The following CACNA1B variants were observed in gnomAD, a reference collection of about 807,000 sequenced individuals.
CACNA1B encodes calcium voltage-gated channel subunit alpha1 B, also known as voltage-dependent N-type calcium channel subunit alpha-1B.
Under a neutral mutation model 247.2 loss-of-function variants are expected in CACNA1B, and 70 were observed. That is an observed-to-expected ratio of 0.28 (90% CI 0.23 to 0.35). The LOEUF (loss-of-function observed/expected upper bound fraction) is 0.35, where lower values mean the gene tolerates loss of function less well. CACNA1B is among the 10% of genes least tolerant of loss of function. CACNA1B has a pLI of 1.00. For synonymous variants in CACNA1B, 1,231 were observed against 1,294.4 expected (o/e 0.95, Z 1.05); for missense variants, 2,367 against 3,197.4 (o/e 0.74, Z 6.26).
intron 3 of CACNA1B, among the ~76,000 whole-genome samples, chr9:137,910,025 C>G (rs553033242): frequency 6.0e-4 from 91 of 152,134 alleles, no homozygotes; most frequent in Non-Finnish European, 1.5e-4. Flanking sequence ...CCTGCTTCGG[C>G]CTCCCAAAGT....
chr9:138,041,991 G>A (rs1959129866), intron 20 of CACNA1B, among the ~76,000 whole-genome samples: 1 of 152,078 alleles, frequency 6.6e-6, no homozygotes, highest in African/African-American at 2.4e-5. Context: ...CGTTGCTTGA[G>A]ACTCCTGGAC....
chr9:137,948,239 C>T (rs544183890), intron 6 of CACNA1B, among the ~76,000 whole-genome samples: 12 of 152,238 alleles, frequency 7.9e-5, no homozygotes, highest in Non-Finnish European at 1.3e-4. Context: ...CCTCGGCCTC[C>T]CGAAGTGCTG....
intron 35 of CACNA1B, 101 bp from the exon 36 acceptor site, chr9:138,078,013 G>C (rs549813345): frequency 4.3e-4 from 434 of 1,007,306 alleles, no homozygotes; most frequent in Non-Finnish European, 5.4e-4. Flanking sequence ...TGAGCTGTCT[G>C]TGGGAAGGAG....
At chr9:138,088,618 T>G (rs1175344891) in intron 36 of CACNA1B, among the ~76,000 whole-genome samples, 1 of 151,760 alleles carries the variant, frequency 6.6e-6, no homozygotes, top group Non-Finnish European at 1.5e-5. Flanking sequence ...AAAGAAAACC[T>G]GAACAGACCA....
intron 39 of CACNA1B, among the ~76,000 whole-genome samples, chr9:138,107,440 G>A (rs931348208): frequency 4.6e-5 from 7 of 151,800 alleles, no homozygotes; most frequent in East Asian, 1.9e-4. Context: ...ATGGGGGTTC[G>A]CTGTGTTGCA....
intron 6 of CACNA1B, among the ~76,000 whole-genome samples, chr9:137,928,513 A>T (rs543580071): frequency 9.2e-5 from 14 of 152,360 alleles, no homozygotes; most frequent in African/African-American, 2.9e-4. Flanking sequence ...AAGAGATTGT[A>T]TAGAAATGTG....
chr9:137,986,724 A>C lies in CACNA1B; in HGVS notation c.1902-58A>C. On this transcript the variant is annotated intron_variant, in intron 14 of 46. Transcript: ENST00000371372. This position sits in a 1 kb window ranked among gnomAD's most constrained non-coding sequence, Gnocchi z 6.0. Reference sequence around the variant, plus strand: ...AGGTTGAGGCCACGCTGGAGCCTGCAGGCGCTGCCTCGCTGCTGACGGGAC... The same window carrying C: ...AGGTTGAGGCCACGCTGGAGCCTGCCGGCGCTGCCTCGCTGCTGACGGGAC... 1 of 1,455,494 alleles carries C rather than the reference A, an allele frequency of 6.9e-7. No individual in the cohort carries two copies. The allele number at this position is 1,455,494 out of a possible 1,614,324, so 90.2% of individuals were successfully genotyped here.
chr9:138,111,754 C>T (rs952293345), intron 39 of CACNA1B, among the ~76,000 whole-genome samples: 6 of 152,168 alleles, frequency 3.9e-5, no homozygotes, highest in South Asian at 4.1e-4. Flanking sequence ...CACCCTGCCC[C>T]GAGGCCTCCC....
rs565485356 is a variant in CACNA1B, at chr9:137,885,291, G to A, written c.530+2408G>A. 3.3e-3 allele frequency among the ~76,000 whole-genome samples: 500 copies of A among 152,092 alleles called. 2 individuals are homozygous for A. Among genetic ancestry groups the A allele is most frequent in the African/African-American group, 0.011 (458 of 41,498 alleles). ...GGAGCCGCTTTGCTGCTCTCGTGTG[G>A]GGCACCTGGGGACACGTGAACCCCT... On this transcript the variant is annotated intron_variant, in intron 3 of 46. Transcript: ENST00000371372.
intron 3 of CACNA1B, among the ~76,000 whole-genome samples, chr9:137,909,376 G>C (rs748930400): frequency 5.3e-5 from 8 of 152,148 alleles, no homozygotes; most frequent in Non-Finnish European, 8.8e-5. Flanking sequence ...TTCAGCCTTG[G>C]CTTAGCGCTA....
At chr9:138,060,290 C>T (rs1959674552) in intron 31 of CACNA1B, among the ~76,000 whole-genome samples, 1 of 152,326 alleles carries the variant, frequency 6.6e-6, no homozygotes, top group Non-Finnish European at 1.5e-5. Context: ...CACTGGAAAT[C>T]AATGGCAGAA....
chr9:137,883,021 T>C (rs1205265117), intron 3 of CACNA1B, 138 bp downstream of exon 3: 4 of 892,196 alleles, frequency 4.5e-6, no homozygotes, highest in Non-Finnish European at 7.1e-6. Flanking sequence ...GATGAACGAA[T>C]GTGAGACAGT....
rs1398206016 is a variant in CACNA1B, at chr9:137,880,191, C to G, written c.390+1032C>G. On this transcript the variant is annotated intron_variant, in intron 2 of 46. Coordinates refer to ENST00000371372, the MANE Select transcript of CACNA1B (RefSeq NM_000718.4). The surrounding 1 kb of genome is among the most constrained non-coding windows in gnomAD (Gnocchi z 4.8). Reference sequence around the variant, plus strand: ...GAGTGCAGAAGGGGAGACAGGGAGCCTGTCCTGGAGGTGAGGCACCAGGAG... The same window carrying G: ...GAGTGCAGAAGGGGAGACAGGGAGCGTGTCCTGGAGGTGAGGCACCAGGAG... Among the ~76,000 whole-genome samples the G allele has an allele frequency of 1.3e-5, 2 of 151,788 alleles. No individual in the cohort carries two copies. The highest frequency in any genetic ancestry group is 1.5e-5 in the Non-Finnish European group (1 of 67,938).
rs201227635 is a variant in CACNA1B, at chr9:138,059,072, C to T, written c.4474-7C>T. On this transcript the variant is annotated splice_region_variant and splice_polypyrimidine_tract_variant and intron_variant, in intron 29 of 46. Transcript: ENST00000371372. The surrounding 1 kb of genome is among the most constrained non-coding windows in gnomAD (Gnocchi z 4.2). ...CCCATGGCCAACAGTGCCTATTCCCCGGGCAGTTCTATGATGCACCCTATG... is the reference window on the plus strand; with the variant it reads ...CCCATGGCCAACAGTGCCTATTCCCTGGGCAGTTCTATGATGCACCCTATG... 2.4e-5 allele frequency: 38 copies of T among 1,573,748 alleles called. No homozygotes were observed. The highest frequency in any genetic ancestry group is 9.4e-5 in the African/African-American group (7 of 74,136).
At chr9:138,095,995 G>A (rs979623692) in intron 36 of CACNA1B, among the ~76,000 whole-genome samples, 4 of 152,096 alleles carry the variant, frequency 2.6e-5, no homozygotes, top group Non-Finnish European at 5.9e-5. Flanking sequence ...GGTATTCTTC[G>A]GGAACGACGA....
At chr9:137,988,397 C>T (rs1302911493) in intron 15 of CACNA1B, among the ~76,000 whole-genome samples, 1 of 152,020 alleles carries the variant, frequency 6.6e-6, no homozygotes, top group Non-Finnish European at 1.5e-5. Context: ...GGGCTCCATG[C>T]CAGGGGGGTG....
chr9:138,115,740 A>T (rs1589137128), intron 42 of CACNA1B, 61 bp downstream of exon 42: 1 of 1,514,442 alleles, frequency 6.6e-7, no homozygotes, highest in East Asian at 2.3e-5. Context: ...GTAAAGGGGG[A>T]AGCAGACATC....
At chr9:138,105,044 G>A (rs1001167092) in intron 38 of CACNA1B, among the ~76,000 whole-genome samples, 1 of 152,254 alleles carries the variant, frequency 6.6e-6, no homozygotes, top group East Asian at 1.9e-4. Flanking sequence ...TCAGCCTGCA[G>A]CCCTGGGAAG....
chr9:137,942,067 T>C (rs747849163), intron 6 of CACNA1B, among the ~76,000 whole-genome samples: 51 of 152,138 alleles, frequency 3.4e-4, no homozygotes, highest in Non-Finnish European at 5.3e-4. Context: ...GGAGAAAATC[T>C]TCACAATCTA....
Sources: gnomAD v4.1 joint callset for allele counts (sites outside exome capture counted in the v4.1 genomes callset) on GRCh38, gnomAD v4.1.1 for gene constraint, Gnocchi (gnomAD v3.1) non-coding constraint, MANE v1.5 for transcripts, NCBI Gene and HGNC (gene_info 2026-07-23, HGNC 2026-07-21) for gene names.